The following PPP1R12B variants were observed in gnomAD, a reference collection of about 807,000 sequenced individuals.
PPP1R12B encodes myosin phosphatase target subunit 2.
PPP1R12B carries 76 observed loss-of-function variants against 126.1 expected under a neutral mutation model. The observed-to-expected ratio is 0.60, with a 90% confidence interval of 0.50 to 0.73. The LOEUF is 0.73. Among genes scored for constraint, PPP1R12B ranks in the 30% least tolerant of loss-of-function variants. PPP1R12B has a pLI of 0.00. For synonymous variants in PPP1R12B, 356 were observed against 434.7 expected, an observed-to-expected ratio of 0.82 and a Z score of 2.25; for missense variants, 1,052 against 1,205.1, an observed-to-expected ratio of 0.87 and a Z score of 1.88.
rs1014608087 is a variant in PPP1R12B at position 202,421,407 on chromosome 1, C to T, written c.423-1213C>T. 2.7e-5 allele frequency among the ~76,000 whole-genome samples: 4 copies of T among 150,300 alleles called. 1 individual carries two copies. The highest frequency in any genetic ancestry group is 6.8e-3 in the Middle Eastern group (2 of 292). On this transcript the variant is annotated intron_variant, in intron 2 of 23. Transcript: ENST00000608999. ...ATCCCAGCACTTTGGGAGGCCGAGG[C>T]GGGCGGACTACTTGAGGTCTGGAGT...
chr1:202,567,640 G>A (rs1400261010), intron 21 of PPP1R12B, 138 bp from the exon 22 acceptor site: 3 of 801,002 alleles, frequency 3.7e-6, no homozygotes, highest in Non-Finnish European at 6.0e-6. Context: ...CCTGTTTGCT[G>A]GGGATCCCTG....
In PPP1R12B at chr1:202,499,616, C is replaced by T. The variant is rs182745926; in HGVS notation, c.2490+2794C>T. Among the ~76,000 whole-genome samples the T allele has an allele frequency of 1.3e-4, 20 of 152,278 alleles. No homozygotes were observed. In the East Asian group the frequency reaches 3.7e-3, roughly 28 times the overall value. On this transcript the variant is annotated intron_variant, in intron 18 of 23. Coordinates refer to ENST00000608999, the MANE Select transcript of PPP1R12B (RefSeq NM_002481.4). The stretch of plus-strand genomic sequence containing the variant: ...AACGGTTATTATCTTTATCTTATGC[C>T]TCCAGTCAGAGTTAGACCTAAATGA...
intron 18 of PPP1R12B, among the ~76,000 whole-genome samples, chr1:202,519,056 T>TA (rs1682472350): frequency 6.6e-6 from 1 of 152,210 alleles, no homozygotes; most frequent in African/African-American, 2.4e-5. Flanking sequence ...TTTAGTATGT[T>TA]ATTTGAAGAC....
chr1:202,551,256 T>C (rs545276724), intron 18 of PPP1R12B, among the ~76,000 whole-genome samples: 1 of 152,260 alleles, frequency 6.6e-6, no homozygotes, highest in African/African-American at 2.4e-5. Flanking sequence ...TTTTGTTCTA[T>C]ATGTATTAAG....
chr1:202,561,844 T>A (rs1208001930), intron 19 of PPP1R12B, among the ~76,000 whole-genome samples: 1 of 152,220 alleles, frequency 6.6e-6, no homozygotes, highest in Non-Finnish European at 1.5e-5. Context: ...CTATCTCTTC[T>A]AATACTTATT....
At chr1:202,380,085 C>T (rs930177591) in intron 1 of PPP1R12B, among the ~76,000 whole-genome samples, 2 of 152,032 alleles carry the variant, frequency 1.3e-5, no homozygotes, top group Non-Finnish European at 2.9e-5. Context: ...TGTTATTTGC[C>T]ATCTCCTGAG....
chr1:202,521,676 GAGTT>G (rs1682807325), intron 18 of PPP1R12B, among the ~76,000 whole-genome samples: 3 of 152,148 alleles, frequency 2.0e-5, no homozygotes, highest in Admixed American at 6.5e-5. Context: ...AGTTTAGAGA[GAGTT>G]AGAAGAAAAT....
At position 202,588,844 on chromosome 1, in the gene PPP1R12B, T is replaced by TAGATAGAC. The variant is rs1473432116; in HGVS notation, c.*8291_*8292insCAGATAGA. On this transcript the variant is annotated 3_prime_UTR_variant, in exon 24 of 24. Coordinates refer to ENST00000608999, the MANE Select transcript of PPP1R12B (RefSeq NM_002481.4). ...ACCGTAAGATAGATAGATAGATAGATAGATAGATAGATAGATAGATAGATA... is the reference window on the plus strand; with the variant it reads ...ACCGTAAGATAGATAGATAGATAGATAGATAGACAGATAGATAGATAGATAGATAGATA... 6.9e-6 allele frequency: 1 copy of TAGATAGAC among 143,948 alleles called. No homozygotes were observed. The highest frequency in any genetic ancestry group is 1.5e-5 in the Non-Finnish European group (1 of 67,284). 8.9% of individuals were successfully genotyped at this position (143,948 alleles called of 1,614,324 possible).
chr1:202,570,629 C>G (rs544651419), intron 23 of PPP1R12B, among the ~76,000 whole-genome samples: 26 of 152,266 alleles, frequency 1.7e-4, no homozygotes, highest in African/African-American at 6.0e-4. Context: ...TTTTCAAACG[C>G]ACCTTACTAC....
intron 13 of PPP1R12B, among the ~76,000 whole-genome samples, chr1:202,460,567 T>C (rs968148419): frequency 6.6e-6 from 1 of 152,238 alleles, no homozygotes; most frequent in Non-Finnish European, 1.5e-5. Flanking sequence ...GACTCCAATC[T>C]TTCTCCAGTT....
chr1:202,471,786 T>C, intron 13 of PPP1R12B: 3 of 1,168,896 alleles, frequency 2.6e-6, no homozygotes, highest in Middle Eastern at 2.9e-4. Context: ...TTTTAAAAAA[T>C]GGGTAAAAGT....
intron 12 of PPP1R12B, among the ~76,000 whole-genome samples, chr1:202,446,230 C>A (rs1182121480): frequency 2.7e-4 from 20 of 74,634 alleles, no homozygotes; most frequent in Admixed American, 3.7e-4. Flanking sequence ...CTCTCTCTCT[C>A]TCTCTCTATA....
intron 18 of PPP1R12B, among the ~76,000 whole-genome samples, chr1:202,506,207 G>A (rs552763794): frequency 7.9e-4 from 121 of 152,298 alleles, no homozygotes; most frequent in African/African-American, 2.1e-3. Flanking sequence ...CATTGGCCTC[G>A]AAGGATCTTT....
intron 13 of PPP1R12B, among the ~76,000 whole-genome samples, chr1:202,471,028 T>C (rs368409629): frequency 6.6e-6 from 1 of 152,132 alleles, no homozygotes; most frequent in African/African-American, 2.4e-5. Context: ...GAATAAAATA[T>C]AGCTAAGCTC....
At chr1:202,538,669 G>A (rs1000493239) in intron 18 of PPP1R12B, among the ~76,000 whole-genome samples, 2 of 152,226 alleles carry the variant, frequency 1.3e-5, no homozygotes, top group African/African-American at 4.8e-5. Context: ...TAAACCCGTT[G>A]GCTTAGAAAA....
Position 202,493,187 on chromosome 1 carries a change from A to C in PPP1R12B, c.2015A>C (p.Glu672Ala). 6.2e-7 allele frequency: 1 copy of C among 1,612,592 alleles called. No homozygotes were observed. Among genetic ancestry groups the C allele is most frequent in the Non-Finnish European group, 8.5e-7 (1 of 1,179,854 alleles). Residue 672 changes from glutamate to alanine, a missense_variant, in exon 15 of 24, where the codon GAG becomes GCG. By Grantham distance (107) the Glu-to-Ala change is moderately radical. Coordinates refer to ENST00000608999, the MANE Select transcript of PPP1R12B (RefSeq NM_002481.4). Reference sequence around the variant, plus strand: ...TCGAGGGCAGAGAGGCAAGCTCAGGAGCAGCCTCGTGAGAAGCCCACAGAC... The same window carrying C: ...TCGAGGGCAGAGAGGCAAGCTCAGGCGCAGCCTCGTGAGAAGCCCACAGAC... The part of the protein sequence containing the change: ...SRSRAERQAQ[E>A]QPREKPTDTE...
In PPP1R12B at chr1:202,585,642, T is replaced by C. The variant is rs1378128931; in HGVS notation, c.*5082T>C. ...TCAAAAATCCAAGTCCAGAATTTTT[T>C]GTTTTCTTCTGGATTTAAACTGTTT... On this transcript the variant is annotated 3_prime_UTR_variant, in exon 24 of 24. Transcript: ENST00000608999. 6.6e-6 allele frequency: 1 copy of C among 152,272 alleles called. No homozygotes were observed. The highest frequency in any genetic ancestry group is 1.5e-5 in the Non-Finnish European group (1 of 68,040). 9.4% of individuals were successfully genotyped at this position (152,272 alleles called of 1,614,324 possible).
At chr1:202,378,602 C>G (rs887529291) in intron 1 of PPP1R12B, among the ~76,000 whole-genome samples, 4 of 152,094 alleles carry the variant, frequency 2.6e-5, no homozygotes, top group Middle Eastern at 6.3e-3. Context: ...GCCTCAGCCT[C>G]CTGAGTAGCT....
chr1:202,430,848 C>T, intron 7 of PPP1R12B, 38 bp downstream of exon 7: 1 of 1,595,668 alleles, frequency 6.3e-7, no homozygotes, highest in East Asian at 2.3e-5. Flanking sequence ...ATGAGCTTTG[C>T]TCTGTGTCAG....
Sources: gnomAD v4.1 joint callset for allele counts (sites outside exome capture counted in the v4.1 genomes callset) on GRCh38, gnomAD v4.1.1 for gene constraint, MANE v1.5 for transcripts, NCBI Gene and HGNC (gene_info 2026-07-23, HGNC 2026-07-21) for gene names.